The following GRB10 variants were observed in gnomAD, a reference collection of about 807,000 sequenced individuals.
The protein encoded by GRB10 is growth factor receptor bound protein 10.
Under a neutral mutation model 80.9 loss-of-function variants are expected in GRB10, and 20 were observed. That is an observed-to-expected ratio of 0.25 (90% CI 0.17 to 0.36). GRB10 has a LOEUF of 0.36. Ranked by LOEUF, GRB10 falls within the 10% of genes least tolerant of loss-of-function variation. The pLI is 1.00. For synonymous variants in GRB10, 291 were observed against 291.5 expected (o/e 1.00, Z 0.02); for missense variants, 548 against 747.7 (o/e 0.73, Z 3.12).
chr7:50,597,949 C>T lies in GRB10; in HGVS notation c.1545-2419G>A, dbSNP rs184564451. Among the ~76,000 whole-genome samples, 293 of 152,220 alleles carry T rather than the reference C, an allele frequency of 1.9e-3. 6 individuals carry two copies. The highest frequency in any genetic ancestry group is 6.2e-4 in the Non-Finnish European group (42 of 68,014). ...TGCAATCTCAGATCACTGCAACCTCCGCCTCCTAGGTTCAAGCGATTCTCC... is the reference window on the plus strand; with the variant it reads ...TGCAATCTCAGATCACTGCAACCTCTGCCTCCTAGGTTCAAGCGATTCTCC... On this transcript the variant is annotated intron_variant, in intron 17 of 18. Coordinates refer to ENST00000401949, the MANE Select transcript of GRB10 (RefSeq NM_001350814.2).
intron 4 of GRB10, among the ~76,000 whole-genome samples, chr7:50,728,379 G>A (rs1587571143): frequency 6.6e-6 from 1 of 152,090 alleles, no homozygotes; most frequent in East Asian, 1.9e-4. Context: ...GCTCCTCCAC[G>A]CACTGCCAAA....
chr7:50,693,781 A>G (rs1267405212), intron 5 of GRB10, among the ~76,000 whole-genome samples: 1 of 152,082 alleles, frequency 6.6e-6, no homozygotes, highest in Non-Finnish European at 1.5e-5. Context: ...CACGATGCAG[A>G]GGAGACAGAC....
At chr7:50,594,383 T>C (rs2046280874) in intron 18 of GRB10, among the ~76,000 whole-genome samples, 2 of 152,224 alleles carry the variant, frequency 1.3e-5, no homozygotes, top group Admixed American at 6.5e-5. Flanking sequence ...GTATGGTCCA[T>C]GGCTGCCAGT....
chr7:50,688,407 G>A (rs2062364627), intron 5 of GRB10, among the ~76,000 whole-genome samples: 1 of 152,140 alleles, frequency 6.6e-6, no homozygotes, highest in Non-Finnish European at 1.5e-5. Context: ...ATGGGCAGAG[G>A]GAGAAAGAGA....
intron 12 of GRB10, 108 bp downstream of exon 12, chr7:50,614,662 T>C (rs1563160545): frequency 1.4e-5 from 11 of 796,004 alleles, no homozygotes; most frequent in Middle Eastern, 3.2e-4. Flanking sequence ...TGAAACTATG[T>C]TTCTGTTGAA....
chr7:50,666,441 CTTCCT>C (rs1179663762), intron 7 of GRB10, among the ~76,000 whole-genome samples: 2 of 152,196 alleles, frequency 1.3e-5, no homozygotes, highest in South Asian at 4.1e-4. Context: ...CCCTCCCCTC[CTTCCT>C]TTCATCAAGT....
intron 5 of GRB10, among the ~76,000 whole-genome samples, chr7:50,685,025 T>C (rs1012726432): frequency 3.3e-5 from 5 of 152,224 alleles, no homozygotes; most frequent in African/African-American, 1.2e-4. Context: ...ACTAGCACTG[T>C]GCTCTCTCAG....
intron 6 of GRB10, among the ~76,000 whole-genome samples, chr7:50,672,660 T>C (rs1288804701): frequency 1.3e-5 from 2 of 152,098 alleles, no homozygotes; most frequent in Admixed American, 1.3e-4. Context: ...ATGGGCGAGT[T>C]CAGCCAGAAC....
Position 50,592,774 on chromosome 7 carries a change from A to C in GRB10, c.*178T>G. ...GAGGCGACCCTGCTGGGTTCACAGCAGCAAATCGTCGTTTAAGTCCAACAA... is the reference window on the plus strand; with the variant it reads ...GAGGCGACCCTGCTGGGTTCACAGCCGCAAATCGTCGTTTAAGTCCAACAA... On this transcript the variant is annotated 3_prime_UTR_variant, in exon 19 of 19. Coordinates refer to ENST00000401949, the MANE Select transcript of GRB10 (RefSeq NM_001350814.2). The C allele has an allele frequency of 2.8e-6, 2 of 724,504 alleles. No homozygotes were observed. Among genetic ancestry groups the C allele is most frequent in the Non-Finnish European group, 4.7e-6 (2 of 425,536 alleles). 44.9% of individuals were successfully genotyped at this position (724,504 alleles called of 1,614,324 possible).
At chr7:50,721,857 G>C (rs983919712) in intron 4 of GRB10, among the ~76,000 whole-genome samples, 1 of 152,216 alleles carries the variant, frequency 6.6e-6, no homozygotes, top group Non-Finnish European at 1.5e-5. Flanking sequence ...AGGCTCCATG[G>C]GGGTGTGGCA....
At chr7:50,785,454 C>T (rs11238325), upstream of GRB10, among the ~76,000 whole-genome samples, 87,280 of 152,136 alleles carry the variant, frequency 0.57, 28,367 homozygotes, top group Middle Eastern at 0.83. Context: ...CTCTGAAGAG[C>T]CTGTACACCC....
chr7:50,738,472 T>A (rs1178827040), intron 3 of GRB10, among the ~76,000 whole-genome samples: 1 of 152,196 alleles, frequency 6.6e-6, no homozygotes, highest in East Asian at 1.9e-4. Flanking sequence ...ACGGTCTCCC[T>A]CTGTCACTCA....
intron 7 of GRB10, among the ~76,000 whole-genome samples, chr7:50,642,450 C>A (rs1199719719): frequency 6.6e-6 from 1 of 152,128 alleles, no homozygotes; most frequent in African/African-American, 2.4e-5. Context: ...CACATATACA[C>A]ATGCTTCATA....
At chr7:50,745,437 A>G (rs2072722892) in intron 3 of GRB10, among the ~76,000 whole-genome samples, 1 of 152,208 alleles carries the variant, frequency 6.6e-6, no homozygotes, top group Non-Finnish European at 1.5e-5. Context: ...CTATAAAAAG[A>G]GAAACAAAAA....
At chr7:50,627,964 G>A (rs939708510) in intron 7 of GRB10, among the ~76,000 whole-genome samples, 8 of 152,224 alleles carry the variant, frequency 5.3e-5, no homozygotes, top group African/African-American at 1.4e-4. Flanking sequence ...GCCTTGCACC[G>A]GCTCCCTTAG....
chr7:50,776,794 G>A (rs2077700462), intron 2 of GRB10, among the ~76,000 whole-genome samples: 2 of 152,108 alleles, frequency 1.3e-5, no homozygotes, highest in African/African-American at 4.8e-5. Flanking sequence ...CAGCAGAACG[G>A]GCTTTACTGT....
chr7:50,595,602 T>TATAC (rs368289956), intron 17 of GRB10, 72 bp from the exon 18 acceptor site: 48 of 561,520 alleles, frequency 8.5e-5, no homozygotes, highest in African/African-American at 7.4e-4. Flanking sequence ...CACACTCTCT[T>TATAC]ACACACACAC....
At chr7:50,703,324 T>C (rs2064510784) in intron 5 of GRB10, among the ~76,000 whole-genome samples, 1 of 152,258 alleles carries the variant, frequency 6.6e-6, no homozygotes, top group Admixed American at 6.5e-5. Flanking sequence ...AAAGCTTCCA[T>C]TTATTCAATC....
chr7:50,689,173 AG>A (rs2062473045), intron 5 of GRB10, among the ~76,000 whole-genome samples: 1 of 152,186 alleles, frequency 6.6e-6, no homozygotes, highest in Non-Finnish European at 1.5e-5. Flanking sequence ...GCAGAAATCT[AG>A]CTGATCCCCC....
Sources: gnomAD v4.1 joint callset for allele counts (sites outside exome capture counted in the v4.1 genomes callset) on GRCh38, gnomAD v4.1.1 for gene constraint, MANE v1.5 for transcripts, NCBI Gene and HGNC (gene_info 2026-07-23, HGNC 2026-07-21) for gene names.